CTNNA1: variants seen among roughly 807,000 people sequenced by gnomAD.
CTNNA1 encodes catenin alpha-1.
A neutral mutation model predicts 98.4 loss-of-function variants in CTNNA1; 37 were observed. The ratio of observed to expected loss-of-function variants is 0.38; its 90% CI spans 0.29 to 0.49. The LOEUF (loss-of-function observed/expected upper bound fraction) is 0.49, where lower values mean the gene tolerates loss of function less well. CTNNA1 is among the 20% of genes least tolerant of loss of function. The pLI is 0.95. For missense variants in CTNNA1, 761 were observed against 1,147.2 expected, an observed-to-expected ratio of 0.66 and a Z score of 4.86; for synonymous variants, 404 against 413.2, an observed-to-expected ratio of 0.98 and a Z score of 0.27.
At chr5:138,839,138 T>A (rs1411853098) in intron 7 of CTNNA1, among the ~76,000 whole-genome samples, 1 of 152,220 alleles carries the variant, frequency 6.6e-6, no homozygotes, top group Non-Finnish European at 1.5e-5. Context: ...TTTTTTAAAT[T>A]TGTTAATTGA....
chr5:138,934,020 G>T lies in CTNNA1; in HGVS notation c.2652G>T (p.Arg884=). 6.2e-7 allele frequency: 1 copy of T among 1,613,928 alleles called. No individual in the cohort carries two copies. The highest frequency in any genetic ancestry group is 8.5e-7 in the Non-Finnish European group (1 of 1,179,948). The change falls in exon 18 of 18, where the codon CGG becomes CGT. Residue 884 remains arginine (R), a synonymous_variant. Transcript: ENST00000302763. ...ATGAGACACAGACCAAGATTAAACG[G>T]GCATCTCAGAAGAAGCACGTGAACC... ...KQDETQTKIK[R]ASQKKHVNPV...
rs185189157 is a variant in CTNNA1 at position 138,764,002 on chromosome 5, T to A, written c.-3+10492T>A. On this transcript the variant is annotated intron_variant, in intron 1 of 17. Coordinates refer to ENST00000302763, the MANE Select transcript of CTNNA1 (RefSeq NM_001903.5). The stretch of plus-strand genomic sequence containing the variant: ...GAGTTCAAGACTAGCCTGACTAACA[T>A]GGAGAAACACCGTCTCTACTAAAAA... 1.9e-3 allele frequency among the ~76,000 whole-genome samples: 287 copies of A among 152,220 alleles called. 3 individuals are homozygous for A. Among genetic ancestry groups the A allele is most frequent in the African/African-American group, 6.4e-3 (264 of 41,530 alleles).
chr5:138,873,723 T>G lies in CTNNA1; in HGVS notation c.1063-12489T>G. 1 of 1,614,064 alleles carries G rather than the reference T, an allele frequency of 6.2e-7. No homozygotes were observed. The highest frequency in any genetic ancestry group is 8.5e-7 in the Non-Finnish European group (1 of 1,179,910). On this transcript the variant is annotated intron_variant, in intron 7 of 17. Transcript: ENST00000302763. This position sits in a 1 kb window ranked among gnomAD's most constrained non-coding sequence, Gnocchi z 6.1. ...TTGTTGTTATCCATGAGGAGTATTTTAAGATTGGGCATCGTTTCAAACACT... is the reference window on the plus strand; with the variant it reads ...TTGTTGTTATCCATGAGGAGTATTTGAAGATTGGGCATCGTTTCAAACACT...
chr5:138,874,924 A>C lies in CTNNA1; in HGVS notation c.1063-11288A>C. The C allele has an allele frequency of 6.2e-7, 1 of 1,613,698 alleles. No individual in the cohort carries two copies. Among genetic ancestry groups the C allele is most frequent in the Admixed American group, 1.7e-5 (1 of 60,012 alleles). On this transcript the variant is annotated intron_variant, in intron 7 of 17. Coordinates refer to ENST00000302763, the MANE Select transcript of CTNNA1 (RefSeq NM_001903.5). This position sits in a 1 kb window ranked among gnomAD's most constrained non-coding sequence, Gnocchi z 4.1. ...CAGACTTACCCATTCTTCTGAGCAC[A>C]TTGGAGGCTGCATTCAGTCGCGGTT... is the stretch of plus-strand genomic sequence containing the variant.
At position 138,933,982 on chromosome 5, in the gene CTNNA1, A is replaced by G. The variant is rs1580946063; in HGVS notation, c.2614A>G (p.Arg872Gly). The part of the protein sequence containing the change: ...KAPEKKPLVK[R>G]EKQDETQTKI... The stretch of plus-strand genomic sequence containing the variant: ...ACCAGAGAAAAAGCCATTGGTGAAG[A>G]GAGAGAAACAGGATGAGACACAGAC... The change falls in exon 18 of 18, where the codon AGA (arginine) becomes GGA (glycine). Residue 872 changes from arginine to glycine, a missense_variant. By Grantham distance (125) the Arg-to-Gly change is moderately radical. This residue lies in a region of CTNNA1 where 57 missense variants were observed against 90.9 expected (regional missense o/e 0.63). Coordinates refer to ENST00000302763, the MANE Select transcript of CTNNA1 (RefSeq NM_001903.5). 2 of 1,614,188 alleles carry G rather than the reference A, an allele frequency of 1.2e-6. No individual in the cohort carries two copies. The highest frequency in any genetic ancestry group is 1.7e-6 in the Non-Finnish European group (2 of 1,180,026).
intron 7 of CTNNA1, among the ~76,000 whole-genome samples, chr5:138,840,134 T>G (rs1246059429): frequency 6.6e-6 from 1 of 152,216 alleles, no homozygotes; most frequent in Admixed American, 6.5e-5. Flanking sequence ...ATGGGTGGTG[T>G]TATTAAAAAA....
chr5:138,924,299 AAC>A (rs1190837628), intron 11 of CTNNA1, among the ~76,000 whole-genome samples: 37 of 140,386 alleles, frequency 2.6e-4, no homozygotes, highest in African/African-American at 4.6e-4. Context: ...TTTTTTTAAA[AAC>A]CTGGAATGAA....
intron 1 of CTNNA1, among the ~76,000 whole-genome samples, chr5:138,763,275 T>G (rs1245954193): frequency 6.6e-6 from 1 of 152,202 alleles, no homozygotes; most frequent in Non-Finnish European, 1.5e-5. Flanking sequence ...CCATTTCAAG[T>G]TAATTGAAGG....
intron 7 of CTNNA1, among the ~76,000 whole-genome samples, chr5:138,856,359 AACAG>A (rs1460854035): frequency 3.3e-5 from 5 of 152,072 alleles, no homozygotes; most frequent in African/African-American, 9.7e-5. Flanking sequence ...TAAAGAATAA[AACAG>A]ACAGGGTCTC....
intron 1 of CTNNA1, among the ~76,000 whole-genome samples, chr5:138,780,675 C>G (rs1754983059): frequency 6.6e-6 from 1 of 151,876 alleles, no homozygotes; most frequent in Admixed American, 6.6e-5. Flanking sequence ...GCACCACCAG[C>G]CTGGCTAATT....
chr5:138,791,817 A>ATTACTGTG (rs1359914286), intron 3 of CTNNA1, among the ~76,000 whole-genome samples: 2 of 141,090 alleles, frequency 1.4e-5, no homozygotes, highest in Non-Finnish European at 3.0e-5. Context: ...TAGAGAGGCA[A>ATTACTGTG]TTACTGTTCA....
chr5:138,884,293 G>C (rs2150011358), intron 7 of CTNNA1, among the ~76,000 whole-genome samples: 1 of 152,306 alleles, frequency 6.6e-6, no homozygotes, highest in South Asian at 2.1e-4. Flanking sequence ...AATGTTTGTA[G>C]TTAAGATAAA....
intron 6 of CTNNA1, among the ~76,000 whole-genome samples, chr5:138,825,011 C>T (rs1367304891): frequency 1.3e-5 from 2 of 152,158 alleles, no homozygotes; most frequent in African/African-American, 4.8e-5. Flanking sequence ...TTGAATTAAA[C>T]TTCTGGATTC....
chr5:138,919,214 A>G (rs981297284), intron 11 of CTNNA1, among the ~76,000 whole-genome samples: 5 of 152,224 alleles, frequency 3.3e-5, no homozygotes, highest in African/African-American at 1.2e-4. Flanking sequence ...TTCCCAATGA[A>G]GTACTGAATT....
intron 1 of CTNNA1, among the ~76,000 whole-genome samples, chr5:138,766,143 C>A (rs966825454): frequency 7.9e-5 from 12 of 151,952 alleles, no homozygotes; most frequent in African/African-American, 2.4e-4. Flanking sequence ...GACACACATA[C>A]ACACACACAG....
chr5:138,906,604 A>C (rs562784190), intron 10 of CTNNA1, among the ~76,000 whole-genome samples: 1 of 152,338 alleles, frequency 6.6e-6, no homozygotes, highest in Admixed American at 6.5e-5. Context: ...GATGGTGTGC[A>C]TAACCTGTGT....
intron 7 of CTNNA1, chr5:138,872,065 T>TGTGTGTGC (rs1561618451): frequency 1.4e-5 from 1 of 73,708 alleles, no homozygotes; most frequent in Non-Finnish European, 3.0e-5. Context: ...TGTGTGTGTG[T>TGTGTGTGC]GTGCGCTTTT....
At chr5:138,895,514 A>T (rs1276672847) in intron 9 of CTNNA1, among the ~76,000 whole-genome samples, 3 of 137,446 alleles carry the variant, frequency 2.2e-5, no homozygotes, top group Non-Finnish European at 3.1e-5. Context: ...GGGGGGGGGG[A>T]TGGGAGTGGC....
intron 8 of CTNNA1, 78 bp from the exon 9 acceptor site, chr5:138,887,412 G>A: frequency 9.2e-7 from 1 of 1,083,156 alleles, no homozygotes; most frequent in Non-Finnish European, 1.3e-6. Flanking sequence ...AGATTTAAGT[G>A]TACAAGAGAA....
Sources: gnomAD v4.1 joint callset for allele counts (sites outside exome capture counted in the v4.1 genomes callset) on GRCh38, gnomAD v4.1.1 for gene constraint, gnomAD v4.1.1 regional missense constraint, Gnocchi (gnomAD v3.1) non-coding constraint, MANE v1.5 for transcripts, NCBI Gene and HGNC (gene_info 2026-07-23, HGNC 2026-07-21) for gene names.